Variants in ZAN observed in about 807,000 individuals in gnomAD.
The protein encoded by ZAN is zonadhesin.
ZAN carries 260 observed loss-of-function variants against 286.2 expected under a neutral mutation model. That is an observed-to-expected ratio of 0.91 (90% CI 0.82 to 1.01). The LOEUF (loss-of-function observed/expected upper bound fraction) is 1.01, where lower values mean the gene tolerates loss of function less well. Ranked by LOEUF, ZAN falls within the 50% of genes least tolerant of loss-of-function variation. ZAN has a pLI of 0.00. For synonymous variants in ZAN, 1,368 were observed against 1,417.5 expected, an observed-to-expected ratio of 0.97 and a Z score of 0.79; for missense variants, 3,410 against 3,639.2, an observed-to-expected ratio of 0.94 and a Z score of 1.62.
At chr7:100,776,714 C>CTT (rs1810830578) in intron 34 of ZAN, 150 bp downstream of exon 34, 16 of 186,812 alleles carry the variant, frequency 8.6e-5, no homozygotes, top group African/African-American at 1.4e-4. Flanking sequence ...TCTTCCTCTC[C>CTT]TTTCTTTTTT....
chr7:100,749,824 G>A (rs1395480634), intron 11 of ZAN, among the ~76,000 whole-genome samples: 1 of 151,182 alleles, frequency 6.6e-6, no homozygotes, highest in Non-Finnish European at 1.5e-5. Context: ...GCTGAGACGG[G>A]TGGATCACTT....
chr7:100,767,003 T>G lies in ZAN; in HGVS notation c.4613-7T>G. On this transcript the variant is annotated splice_region_variant and splice_polypyrimidine_tract_variant and intron_variant, in intron 24 of 47. Coordinates refer to ENST00000613979, the MANE Select transcript of ZAN (RefSeq NM_003386.3). ...TGAGACTGTGAACTCCATCTTCTTC[T>G]CCACAGGTGCCGCCACCTGCACAGC... The G allele has an allele frequency of 1.9e-6, 3 of 1,613,378 alleles. No homozygotes were observed. Among genetic ancestry groups the G allele is most frequent in the Non-Finnish European group, 2.5e-6 (3 of 1,179,552 alleles).
intron 44 of ZAN, among the ~76,000 whole-genome samples, chr7:100,794,557 G>C (rs928734173): frequency 6.6e-6 from 1 of 152,130 alleles, no homozygotes; most frequent in Admixed American, 6.6e-5. Flanking sequence ...TTCCTGCTGG[G>C]CGTGGGTGAC....
Position 100,797,425 on chromosome 7 carries a change from G to T in ZAN, c.8326G>T (p.Ala2776Ser). 6.2e-7 allele frequency: 1 copy of T among 1,613,916 alleles called. No individual in the cohort carries two copies. The highest frequency in any genetic ancestry group is 8.5e-7 in the Non-Finnish European group (1 of 1,179,842). The change falls in exon 46 of 48, where the codon GCC (alanine) becomes TCC (serine). Residue 2776 changes from alanine to serine, a missense_variant. By Grantham distance (99) the Ala-to-Ser change is moderately conservative (BLOSUM62 1). Coordinates refer to ENST00000613979, the MANE Select transcript of ZAN (RefSeq NM_003386.3). ...GGTGCCTGTGGTGGTCGTACTACTG[G>T]CCGTGACCAGAGAGTGCATTTACAG... ...LLVPVVVVLL[A>S]VTRECIYRTR...
At chr7:100,742,207 A>G (rs28371427) in intron 7 of ZAN, among the ~76,000 whole-genome samples, 1 of 113,982 alleles carries the variant, frequency 8.8e-6, no homozygotes, top group African/African-American at 3.5e-5. Context: ...GCCGGGCAGA[A>G]GCGCTCCTCA....
At chr7:100,796,059 G>A (rs1474732482) in intron 45 of ZAN, among the ~76,000 whole-genome samples, 1 of 151,858 alleles carries the variant, frequency 6.6e-6, no homozygotes, top group African/African-American at 2.4e-5. Flanking sequence ...CAGCCTGGGC[G>A]ACCAAGACTC....
At chr7:100,744,579 C>A (rs2115713611) in intron 7 of ZAN, among the ~76,000 whole-genome samples, 1 of 151,074 alleles carries the variant, frequency 6.6e-6, no homozygotes, top group East Asian at 1.9e-4. Context: ...GCCTGGGCAA[C>A]AGAGTGAGAC....
At chr7:100,776,662 T>G in intron 34 of ZAN, 98 bp downstream of exon 34, 4 of 659,254 alleles carry the variant, frequency 6.1e-6, no homozygotes, top group African/African-American at 2.7e-5. Context: ...TCCCCTCCCC[T>G]CCCCTTCCTT....
At chr7:100,791,528 T>C (rs922407490) in intron 40 of ZAN, among the ~76,000 whole-genome samples, 11 of 151,912 alleles carry the variant, frequency 7.2e-5, no homozygotes, top group Middle Eastern at 3.2e-3. Context: ...TGCCTCAGCC[T>C]CCCAAGTAGC....
Position 100,787,782 on chromosome 7 carries a change from A to T in ZAN, c.6980-107A>T, listed in dbSNP as rs546117545. On this transcript the variant is annotated intron_variant, in intron 37 of 47. Transcript: ENST00000613979. ...TCACCATGTTGGCCAGGCTGGTCTCAAACTCCTGACCTCAGGTCATCCACC... is the reference window on the plus strand; with the variant it reads ...TCACCATGTTGGCCAGGCTGGTCTCTAACTCCTGACCTCAGGTCATCCACC... 78 of 1,252,020 alleles carry T rather than the reference A, an allele frequency of 6.2e-5. 2 individuals are homozygous for T. In the South Asian group the frequency reaches 1.5e-3, roughly 25 times the overall value. 77.6% of individuals were successfully genotyped at this position (1,252,020 alleles called of 1,614,324 possible).
chr7:100,748,022 A>T, intron 9 of ZAN, 115 bp from the exon 10 acceptor site: 5 of 756,134 alleles, frequency 6.6e-6, no homozygotes, highest in Non-Finnish European at 1.1e-5. Context: ...AACTGAATTG[A>T]GGGTCTGGGC....
chr7:100,773,520 G>A, intron 30 of ZAN, 27 bp downstream of exon 30: 9 of 1,608,716 alleles, frequency 5.6e-6, no homozygotes, highest in Non-Finnish European at 6.8e-6. Flanking sequence ...GAGGGGCCCC[G>A]CCCTTTCCAG....
chr7:100,741,181 C>T (rs1428040958), intron 7 of ZAN, among the ~76,000 whole-genome samples: 1 of 24,874 alleles, frequency 4.0e-5, no homozygotes, highest in Admixed American at 3.0e-4. Flanking sequence ...CCCTCGCGGA[C>T]GGGGCAGCTG....
intron 31 of ZAN, 34 bp downstream of exon 31, chr7:100,773,899 G>C (rs762574252): frequency 1.3e-6 from 2 of 1,575,042 alleles, no homozygotes; most frequent in Non-Finnish European, 1.7e-6. Flanking sequence ...GGACTCCACA[G>C]CCCTGAGGCC....
rs372721536 is a variant in ZAN, at chr7:100,791,883, A to G, written c.7530-83A>G. 3.1e-5 allele frequency: 45 copies of G among 1,466,340 alleles called. No homozygotes were observed. In the East Asian group the frequency reaches 3.1e-4, roughly 10 times the overall value. 90.8% of individuals were successfully genotyped at this position (1,466,340 alleles called of 1,614,324 possible). On this transcript the variant is annotated intron_variant, in intron 40 of 47. Transcript: ENST00000613979. Reference sequence around the variant, plus strand: ...GCTGGGACTCCAGGCAGCCACCACCATGCCCGGCTAATCAGTTCTTCTTCT... The same window carrying G: ...GCTGGGACTCCAGGCAGCCACCACCGTGCCCGGCTAATCAGTTCTTCTTCT...
chr7:100,767,322 C>T (rs1562939040), intron 25 of ZAN, 65 bp downstream of exon 25: 1 of 1,549,156 alleles, frequency 6.5e-7, no homozygotes, highest in East Asian at 2.3e-5. Flanking sequence ...CTCCTGTGCC[C>T]CTCCTTGCCC....
chr7:100,756,738 A>G (rs1166557184), intron 15 of ZAN, among the ~76,000 whole-genome samples: 1 of 148,790 alleles, frequency 6.7e-6, no homozygotes, highest in Non-Finnish European at 1.5e-5. Flanking sequence ...ACAGTTCTCT[A>G]TTGATGCAAA....
At chr7:100,751,354 T>C in intron 13 of ZAN, 88 bp downstream of exon 13, 1 of 938,552 alleles carries the variant, frequency 1.1e-6, no homozygotes, top group Non-Finnish European at 1.5e-6. Flanking sequence ...ATGTGAGTCC[T>C]CCCTGGAGCC....
Position 100,743,451 on chromosome 7 carries a change from T to A in ZAN, c.767-3087T>A, listed in dbSNP as rs1348359235. 2.6e-5 allele frequency among the ~76,000 whole-genome samples: 4 copies of A among 152,152 alleles called. No individual in the cohort carries two copies. In the South Asian group the frequency reaches 8.3e-4, roughly 32 times the overall value. On this transcript the variant is annotated intron_variant, in intron 7 of 47. Coordinates refer to ENST00000613979, the MANE Select transcript of ZAN (RefSeq NM_003386.3). ...TTTTCTCTCTCACACAACATTCACT[T>A]TCTCTCTTAATCTTCTCACACAGCC...
Sources: allele counts gnomAD v4.1 joint callset (sites outside exome capture counted in the v4.1 genomes callset), GRCh38; gene constraint gnomAD v4.1.1; transcripts MANE v1.5; gene names NCBI Gene and HGNC (gene_info 2026-07-23, HGNC 2026-07-21).